Variants in UBE3D observed in about 807,000 individuals in gnomAD.
UBE3D encodes ubiquitin protein ligase E3D, also known as E3 ubiquitin-protein ligase E3D.
A neutral mutation model predicts 49.6 loss-of-function variants in UBE3D; 48 were observed. The observed-to-expected ratio is 0.97, with a 90% CI of 0.77 to 1.23. The LOEUF is 1.23. Ranked by LOEUF, UBE3D falls within the 50% of genes most tolerant of loss-of-function variation. UBE3D has a pLI of 0.00. For synonymous variants in UBE3D, 189 were observed against 174.2 expected (o/e 1.08, Z -0.67); for missense variants, 452 against 468.4 (o/e 0.96, Z 0.32).
At chr6:82,997,577 G>A (rs901991248) in intron 8 of UBE3D, among the ~76,000 whole-genome samples, 9 of 152,096 alleles carry the variant, frequency 5.9e-5, no homozygotes, top group Non-Finnish European at 1.3e-4. Context: ...AAATTAGCCA[G>A]GCATGGTGGC....
At chr6:82,976,283 G>A (rs1049250497) in intron 8 of UBE3D, among the ~76,000 whole-genome samples, 1 of 152,096 alleles carries the variant, frequency 6.6e-6, no homozygotes, top group Non-Finnish European at 1.5e-5. Context: ...GTCCCATTAG[G>A]TCTTGCAACT....
At chr6:82,979,920 G>A (rs1310619141) in intron 8 of UBE3D, among the ~76,000 whole-genome samples, 1 of 151,998 alleles carries the variant, frequency 6.6e-6, no homozygotes, top group African/African-American at 2.4e-5. Flanking sequence ...CAAAAGACAT[G>A]ATTTCATTCT....
chr6:83,030,923 G>C (rs369492529), intron 5 of UBE3D, among the ~76,000 whole-genome samples: 2 of 152,220 alleles, frequency 1.3e-5, no homozygotes, highest in Non-Finnish European at 2.9e-5. Flanking sequence ...CTTTAGGAAA[G>C]AGACTGGCAG....
intron 9 of UBE3D, among the ~76,000 whole-genome samples, chr6:82,913,258 T>C (rs1045409878): frequency 6.6e-6 from 1 of 152,232 alleles, no homozygotes; most frequent in African/African-American, 2.4e-5. Flanking sequence ...TCTATCACTG[T>C]ACTGTTGCAA....
rs538521514 is a variant in UBE3D, at chr6:82,906,319, G to A, written c.1150-13277C>T. On this transcript the variant is annotated intron_variant, in intron 9 of 9. Transcript: ENST00000369747. ...TGTTCTGCAGAGTTTTCCAAAGACT[G>A]AAATGTGACCACTTTTATGCTTTTA... Among the ~76,000 whole-genome samples the A allele has an allele frequency of 1.2e-4, 19 of 152,140 alleles. No individual in the cohort carries two copies. In the South Asian group the frequency reaches 2.3e-3, roughly 18 times the overall value.
intron 9 of UBE3D, among the ~76,000 whole-genome samples, chr6:82,936,272 A>C (rs1438487617): frequency 6.6e-6 from 1 of 152,204 alleles, no homozygotes; most frequent in African/African-American, 2.4e-5. Context: ...AAATAAAAAT[A>C]CCAAGAACAA....
intron 8 of UBE3D, among the ~76,000 whole-genome samples, chr6:83,002,031 G>A (rs1779667575): frequency 1.3e-5 from 2 of 151,946 alleles, no homozygotes; most frequent in South Asian, 2.1e-4. Context: ...TACAGTAGGT[G>A]TCTGACCCCC....
chr6:82,906,311 C>T (rs1397911166), intron 9 of UBE3D, among the ~76,000 whole-genome samples: 1 of 152,004 alleles, frequency 6.6e-6, no homozygotes, highest in Non-Finnish European at 1.5e-5. Flanking sequence ...CAGAGTTTTC[C>T]AAAGACTGAA....
At chr6:82,977,184 C>T (rs1050266892) in intron 8 of UBE3D, among the ~76,000 whole-genome samples, 3 of 147,948 alleles carry the variant, frequency 2.0e-5, no homozygotes, top group Admixed American at 6.7e-5. Context: ...TCCAAAAATG[C>T]TCTCTGGCAC....
At chr6:82,973,025 C>T (rs541366805) in intron 8 of UBE3D, among the ~76,000 whole-genome samples, 2 of 152,186 alleles carry the variant, frequency 1.3e-5, no homozygotes, top group South Asian at 4.2e-4. Flanking sequence ...TCTGTTGTTT[C>T]TACCACAGGT....
intron 1 of UBE3D, among the ~76,000 whole-genome samples, chr6:83,060,722 G>T (rs1784119128): frequency 6.6e-6 from 1 of 152,168 alleles, no homozygotes; most frequent in South Asian, 2.1e-4. Context: ...GGAACATGTT[G>T]CTGGAACATG....
chr6:82,943,580 G>C (rs1775178112), intron 9 of UBE3D, among the ~76,000 whole-genome samples: 1 of 152,028 alleles, frequency 6.6e-6, no homozygotes, highest in Admixed American at 6.5e-5. Flanking sequence ...AGGTTGCAGT[G>C]AGCTGAGATC....
the UBE3D span, among the ~76,000 whole-genome samples, chr6:82,886,929 A>T: frequency 6.6e-6 from 1 of 152,206 alleles, no homozygotes; most frequent in Admixed American, 6.5e-5. Flanking sequence ...TTTTTTTAAC[A>T]TTGGCACTAA....
intron 9 of UBE3D, among the ~76,000 whole-genome samples, chr6:82,909,553 A>G (rs1772348086): frequency 6.6e-6 from 1 of 152,136 alleles, no homozygotes; most frequent in African/African-American, 2.4e-5. Context: ...TTTTTTCCTT[A>G]GGTTTAAATT....
chr6:82,997,545 C>T (rs868541283), intron 8 of UBE3D, among the ~76,000 whole-genome samples: 112 of 152,172 alleles, frequency 7.4e-4, no homozygotes, highest in African/African-American at 2.2e-3. Flanking sequence ...TGGTGAAACC[C>T]CGTCTCTACT....
intron 8 of UBE3D, among the ~76,000 whole-genome samples, chr6:83,015,053 A>G (rs904333460): frequency 6.6e-6 from 1 of 152,154 alleles, no homozygotes; most frequent in Non-Finnish European, 1.5e-5. Flanking sequence ...TGCCTTTGAC[A>G]GCTGAGTGCC....
At position 82,985,392 on chromosome 6, in the gene UBE3D, T is replaced by C. The variant is rs965937149; in HGVS notation, c.1011-27942A>G. On this transcript the variant is annotated intron_variant, in intron 8 of 9. Coordinates refer to ENST00000369747, the MANE Select transcript of UBE3D (RefSeq NM_198920.3). ...TTTTGTTTTGTTTTGAGATGGAATC[T>C]CTTTCTGTTGCCCAGGCTGGAGTGC... Among the ~76,000 whole-genome samples the C allele has an allele frequency of 7.2e-5, 11 of 152,082 alleles. No individual in the cohort carries two copies. The East Asian group carries it at 2.1e-3, about 29-fold the overall frequency.
chr6:83,014,184 A>G (rs1426677586), intron 8 of UBE3D, among the ~76,000 whole-genome samples: 1 of 152,226 alleles, frequency 6.6e-6, no homozygotes, highest in South Asian at 2.1e-4. Flanking sequence ...GTCGTTCTCT[A>G]AGATCCATCT....
At chr6:83,012,515 T>C (rs983644868) in intron 8 of UBE3D, among the ~76,000 whole-genome samples, 6 of 152,200 alleles carry the variant, frequency 3.9e-5, no homozygotes, top group Non-Finnish European at 7.4e-5. Flanking sequence ...TATTGGGCAA[T>C]GACAGGGGTG....
Sources: allele counts gnomAD v4.1 joint callset (sites outside exome capture counted in the v4.1 genomes callset), GRCh38; gene constraint gnomAD v4.1.1; transcripts MANE v1.5; gene names NCBI Gene and HGNC (gene_info 2026-07-23, HGNC 2026-07-21).